USO1: variants seen among roughly 807,000 people sequenced by gnomAD.
USO1 encodes the protein USO1 vesicle transport factor.
Under a neutral mutation model 124.5 loss-of-function variants are expected in USO1, and 57 were observed. That is an observed-to-expected ratio of 0.46 (90% confidence interval 0.37 to 0.57). The LOEUF (loss-of-function observed/expected upper bound fraction) is 0.57, where lower values mean the gene tolerates loss of function less well. USO1 is among the 20% of genes least tolerant of loss of function. The pLI, the probability that USO1 is intolerant of heterozygous loss-of-function variation, is 0.00. For synonymous variants in USO1, 369 were observed against 362.8 expected (o/e 1.02, Z -0.19); for missense variants, 900 against 1,040.6 (o/e 0.86, Z 1.86).
At chr4:75,798,890 T>C (rs1156996695) in intron 13 of USO1, among the ~76,000 whole-genome samples, 1 of 152,174 alleles carries the variant, frequency 6.6e-6, no homozygotes, top group African/African-American at 2.4e-5. Context: ...GTCAATATTG[T>C]GAACTAAGAG....
At chr4:75,754,047 A>G (rs545487034) in intron 3 of USO1, among the ~76,000 whole-genome samples, 154 of 150,690 alleles carry the variant, frequency 1.0e-3, no homozygotes, top group African/African-American at 3.7e-3. Context: ...TTGGCCTCCC[A>G]AAGTGCTGGG....
intron 3 of USO1, among the ~76,000 whole-genome samples, chr4:75,754,232 C>G (rs373324878): frequency 6.6e-6 from 1 of 151,902 alleles, no homozygotes; most frequent in African/African-American, 2.4e-5. Context: ...TACAGGCATG[C>G]GCCACCATGC....
chr4:75,725,119 T>C (rs1178664857), intron 1 of USO1: 2 of 578,322 alleles, frequency 3.5e-6, no homozygotes, highest in South Asian at 4.1e-5. Flanking sequence ...GCCCCGCAGC[T>C]CTGTAGGCCC....
At position 75,787,737 on chromosome 4, in the gene USO1, C is replaced by G. The variant is rs188589802; in HGVS notation, c.996+535C>G. On this transcript the variant is annotated intron_variant, in intron 10 of 23. Coordinates refer to ENST00000514213, the MANE Select transcript of USO1 (RefSeq NM_003715.4). ...ATAACTGCCTTCAGCCTCAATTGTC[C>G]TTACTGTAAGTCCCACTTTACTTCC... 1.7e-4 allele frequency among the ~76,000 whole-genome samples: 26 copies of G among 152,194 alleles called. 2 individuals are homozygous for G. The East Asian group carries it at 5.0e-3, about 29-fold the overall frequency.
intron 1 of USO1, among the ~76,000 whole-genome samples, chr4:75,744,732 G>GT (rs1014934935): frequency 6.6e-6 from 1 of 152,068 alleles, no homozygotes; most frequent in African/African-American, 2.4e-5. Flanking sequence ...TATCCTTTTT[G>GT]TTTTTTATTA....
At chr4:75,781,794 G>A (rs1175437892) in intron 8 of USO1, among the ~76,000 whole-genome samples, 1 of 152,048 alleles carries the variant, frequency 6.6e-6, no homozygotes, top group Admixed American at 6.6e-5. Flanking sequence ...TCAACATACA[G>A]CTCAACTATT....
At chr4:75,754,132 G>C (rs972916886) in intron 3 of USO1, among the ~76,000 whole-genome samples, 1 of 150,318 alleles carries the variant, frequency 6.7e-6, no homozygotes, top group African/African-American at 2.5e-5. Context: ...GCCCAGGCTG[G>C]AGTACAATGT....
At chr4:75,731,709 C>T (rs186074126) in intron 1 of USO1, among the ~76,000 whole-genome samples, 1 of 152,076 alleles carries the variant, frequency 6.6e-6, no homozygotes, top group Non-Finnish European at 1.5e-5. Context: ...TTTTAAATTT[C>T]AAGGTAAGAT....
At chr4:75,727,032 T>C (rs1720483433) in intron 1 of USO1, among the ~76,000 whole-genome samples, 1 of 152,208 alleles carries the variant, frequency 6.6e-6, no homozygotes, top group Non-Finnish European at 1.5e-5. Flanking sequence ...ACTTAGTAGA[T>C]GTATAATGAG....
chr4:75,782,642 A>G (rs1398135708), intron 8 of USO1, 38 bp from the exon 9 acceptor site: 11 of 1,510,888 alleles, frequency 7.3e-6, no homozygotes, highest in Non-Finnish European at 9.7e-6. Flanking sequence ...GTCAGGTTTT[A>G]CGAGCCTTAA....
At chr4:75,809,592 CA>C (rs1723088608) in intron 21 of USO1, among the ~76,000 whole-genome samples, 1 of 152,202 alleles carries the variant, frequency 6.6e-6, no homozygotes, top group South Asian at 2.1e-4. Flanking sequence ...CAAAACACTG[CA>C]ACACTATTTG....
chr4:75,770,451 C>A lies in USO1; in HGVS notation c.308C>A (p.Thr103Lys). 6.4e-7 allele frequency: 1 copy of A among 1,571,950 alleles called. No homozygotes were observed. The highest frequency in any genetic ancestry group is 2.3e-5 in the East Asian group (1 of 43,414). Residue 103 changes from threonine to lysine, a missense_variant, in exon 5 of 24, where the codon ACA (threonine) becomes AAA (lysine). Around this residue, in one of 2 missense-constraint regions of USO1, gnomAD observed 538 missense variants for 681.6 expected, o/e 0.79. Transcript: ENST00000514213. ...EEEEEVEENS[T>K]RQSEDLGSQF... The stretch of plus-strand genomic sequence containing the variant: ...TTGAATATTACAGAAGAAAATTCCA[C>A]AAGACAGAGTGAAGATTTGGGAAGC...
intron 1 of USO1, among the ~76,000 whole-genome samples, chr4:75,739,324 A>G (rs902814503): frequency 1.3e-5 from 2 of 152,148 alleles, no homozygotes; most frequent in African/African-American, 4.8e-5. Context: ...TCACTAAAAT[A>G]TATTTGTATC....
Position 75,805,685 on chromosome 4 carries a change from T to C in USO1, c.2289+382T>C, listed in dbSNP as rs150997656. Among the ~76,000 whole-genome samples, 1,124 of 149,002 alleles carry C rather than the reference T, an allele frequency of 7.5e-3. 23 individuals are homozygous for C. The highest frequency in any genetic ancestry group is 0.027 in the African/African-American group (1,081 of 40,342). ...TCACCCCACTTCACCTCATTGCCTG[T>C]GCGACAGAGGGAGACTTTCCATCTA... On this transcript the variant is annotated intron_variant, in intron 19 of 23. Coordinates refer to ENST00000514213, the MANE Select transcript of USO1 (RefSeq NM_003715.4).
intron 4 of USO1, among the ~76,000 whole-genome samples, chr4:75,765,658 C>A (rs1333095570): frequency 1.4e-5 from 2 of 141,610 alleles, no homozygotes; most frequent in South Asian, 4.4e-4. Flanking sequence ...TTTTCCAACT[C>A]CATTCATAAG....
chr4:75,751,552 C>T (rs923815055), intron 1 of USO1, among the ~76,000 whole-genome samples: 3 of 145,098 alleles, frequency 2.1e-5, no homozygotes, highest in Non-Finnish European at 3.0e-5. Flanking sequence ...TGGTTTTGGC[C>T]GGGCGCAGTG....
intron 7 of USO1, among the ~76,000 whole-genome samples, chr4:75,772,967 G>A (rs1319763988): frequency 5.3e-5 from 8 of 151,972 alleles, no homozygotes; most frequent in Non-Finnish European, 7.4e-5. Context: ...GTGTAGTGGC[G>A]GGCGCCTGTA....
chr4:75,809,554 A>G (rs1723087277), intron 21 of USO1, among the ~76,000 whole-genome samples: 1 of 152,144 alleles, frequency 6.6e-6, no homozygotes, highest in East Asian at 1.9e-4. Flanking sequence ...AAATATCCAA[A>G]TTCATTATTT....
chr4:75,770,196 TTAAG>T, intron 4 of USO1: 1 of 260,260 alleles, frequency 3.8e-6, no homozygotes, highest in South Asian at 8.2e-5. Context: ...ATATGAGTAT[TTAAG>T]TATCCTTTTT....
Sources: gnomAD v4.1 joint callset for allele counts (sites outside exome capture counted in the v4.1 genomes callset) on GRCh38, gnomAD v4.1.1 for gene constraint, gnomAD v4.1.1 regional missense constraint, MANE v1.5 for transcripts, NCBI Gene and HGNC (gene_info 2026-07-23, HGNC 2026-07-21) for gene names.